The following SENP1 variants were observed in gnomAD, a reference collection of about 807,000 sequenced individuals.
SENP1 encodes SUMO specific peptidase 1.
In SENP1, 21 loss-of-function variants were observed where a neutral mutation model predicts 93.0. The ratio of observed to expected loss-of-function variants is 0.23; its 90% CI spans 0.16 to 0.33. The LOEUF is 0.33. Ranked by LOEUF, SENP1 falls within the 10% of genes least tolerant of loss-of-function variation. The probability of loss-of-function intolerance (pLI) is 1.00; values close to 1 mark genes in which losing one functional copy is unlikely to be tolerated. For missense variants in SENP1, 591 were observed against 758.7 expected (o/e 0.78, Z 2.60); for synonymous variants, 256 against 259.6 (o/e 0.99, Z 0.13).
chr12:48,049,196 G>A, intron 13 of SENP1, 64 bp from the exon 14 acceptor site: 2 of 1,213,318 alleles, frequency 1.6e-6, no homozygotes, highest in Admixed American at 3.6e-5. Flanking sequence ...AATAGTTGCA[G>A]TTGCTGTGTT....
chr12:48,059,210 C>A (rs1268990741), intron 13 of SENP1, among the ~76,000 whole-genome samples: 1 of 152,132 alleles, frequency 6.6e-6, no homozygotes, highest in East Asian at 1.9e-4. Context: ...CCTATGCCCC[C>A]ACCTTTCCTT....
At position 48,058,239 on chromosome 12, in the gene SENP1, C is replaced by T. The variant is rs545495714; in HGVS notation, c.1407+5471G>A. Among the ~76,000 whole-genome samples the T allele has an allele frequency of 2.0e-5, 3 of 152,288 alleles. No homozygotes were observed. In the South Asian group the frequency reaches 6.2e-4, roughly 32 times the overall value. On this transcript the variant is annotated intron_variant, in intron 13 of 17. Coordinates refer to ENST00000549518, the MANE Select transcript of SENP1 (RefSeq NM_001267594.2). The stretch of plus-strand genomic sequence containing the variant: ...GGGATTACAGGCATGAGCCACTGCA[C>T]TCGGCCCATTTTACTTTTTTAAAAG...
intron 11 of SENP1, 103 bp from the exon 12 acceptor site, chr12:48,065,323 C>A: frequency 1.0e-6 from 1 of 990,762 alleles, no homozygotes; most frequent in South Asian, 1.7e-5. Flanking sequence ...AGTCAAAGAG[C>A]GTGCTTAAAT....
intron 13 of SENP1, among the ~76,000 whole-genome samples, chr12:48,059,747 A>C (rs2136918889): frequency 6.6e-6 from 1 of 152,244 alleles, no homozygotes; most frequent in South Asian, 2.1e-4. Flanking sequence ...TATTTGGATC[A>C]GTTTCAGGCT....
Position 48,080,924 on chromosome 12 carries a change from T to C in SENP1, c.552+2667A>G, listed in dbSNP as rs549449593. Among the ~76,000 whole-genome samples the C allele has an allele frequency of 3.3e-5, 5 of 152,308 alleles. No homozygotes were observed. The South Asian group carries it at 6.2e-4, about 19-fold the overall frequency. On this transcript the variant is annotated intron_variant, in intron 6 of 17. Coordinates refer to ENST00000549518, the MANE Select transcript of SENP1 (RefSeq NM_001267594.2). ...GAGGAAGGAGAACTCCACCTTCATG[T>C]TCTCCACTGACCCAACCTGTGGCCT...
At chr12:48,079,629 T>C (rs1343120298) in intron 6 of SENP1, among the ~76,000 whole-genome samples, 2 of 152,168 alleles carry the variant, frequency 1.3e-5, no homozygotes, top group African/African-American at 2.4e-5. Flanking sequence ...TTTTGAAGTA[T>C]AAAAATAATT....
intron 10 of SENP1, among the ~76,000 whole-genome samples, chr12:48,066,533 A>G (rs550027155): frequency 1.5e-3 from 220 of 148,584 alleles, no homozygotes; most frequent in African/African-American, 5.4e-3. Context: ...TTTTTTTGAG[A>G]TGGAGTCTTA....
At chr12:48,080,962 G>A (rs1356192238) in intron 6 of SENP1, among the ~76,000 whole-genome samples, 1 of 152,170 alleles carries the variant, frequency 6.6e-6, no homozygotes, top group Non-Finnish European at 1.5e-5. Context: ...AGGGCTGTTT[G>A]GAAGGGTAAA....
At position 48,070,112 on chromosome 12, in the gene SENP1, G is replaced by A. The variant is rs561312612; in HGVS notation, c.995+1555C>T. On this transcript the variant is annotated intron_variant, in intron 9 of 17. Coordinates refer to ENST00000549518, the MANE Select transcript of SENP1 (RefSeq NM_001267594.2). The stretch of plus-strand genomic sequence containing the variant: ...GTTTCATGCAGAAGTTCACATGTGA[G>A]TTGAGACCTAAAAGATAAAACACTA... Among the ~76,000 whole-genome samples, 45 of 152,340 alleles carry A rather than the reference G, an allele frequency of 3.0e-4. No homozygotes were observed. In the Middle Eastern group the frequency reaches 0.01, roughly 35 times the overall value.
intron 5 of SENP1, among the ~76,000 whole-genome samples, chr12:48,087,830 C>A (rs190100512): frequency 1.3e-4 from 20 of 152,282 alleles, no homozygotes; most frequent in Admixed American, 2.0e-4. Flanking sequence ...CTAAACAGTA[C>A]ACTAAATAAT....
chr12:48,085,680 T>C (rs897828618), intron 5 of SENP1, among the ~76,000 whole-genome samples: 4 of 149,408 alleles, frequency 2.7e-5, no homozygotes, highest in South Asian at 2.1e-4. Context: ...AGTGTCATTG[T>C]TGATGTTAAA....
At chr12:48,085,478 T>G in intron 5 of SENP1, 3 of 604,246 alleles carry the variant, frequency 5.0e-6, no homozygotes, top group Non-Finnish European at 8.4e-6. Context: ...CTCAGGCCTC[T>G]CCCCAGGCTT....
chr12:48,085,923 T>G (rs1944832327), intron 5 of SENP1, among the ~76,000 whole-genome samples: 1 of 152,140 alleles, frequency 6.6e-6, no homozygotes, highest in Admixed American at 6.5e-5. Flanking sequence ...GCATGTTTTT[T>G]TTAACATAAA....
chr12:48,105,061 G>A (rs2137422936), intron 1 of SENP1: 1 of 183,488 alleles, frequency 5.4e-6, no homozygotes, highest in African/African-American at 2.3e-5. Flanking sequence ...TTTTTATGAA[G>A]AATAAAGATT....
At chr12:48,068,151 A>G (rs1487376455) in intron 9 of SENP1, among the ~76,000 whole-genome samples, 1 of 152,206 alleles carries the variant, frequency 6.6e-6, no homozygotes, top group Admixed American at 6.5e-5. Flanking sequence ...CTAGGATTAC[A>G]GGCATGAGCC....
chr12:48,061,533 G>A (rs920831225), intron 13 of SENP1, among the ~76,000 whole-genome samples: 1 of 152,096 alleles, frequency 6.6e-6, no homozygotes, highest in Admixed American at 6.6e-5. Context: ...TCAGCCTCCT[G>A]AACAGCTGGG....
intron 4 of SENP1, among the ~76,000 whole-genome samples, chr12:48,093,476 G>C (rs561955388): frequency 1.3e-5 from 2 of 151,912 alleles, no homozygotes; most frequent in East Asian, 3.9e-4. Flanking sequence ...TAGAGACAGG[G>C]TTTTACCATG....
intron 4 of SENP1, among the ~76,000 whole-genome samples, chr12:48,090,740 G>A (rs1484056401): frequency 6.6e-6 from 1 of 152,070 alleles, no homozygotes; most frequent in Non-Finnish European, 1.5e-5. Flanking sequence ...GGGATCACAG[G>A]TGCATACCAT....
intron 9 of SENP1, among the ~76,000 whole-genome samples, chr12:48,071,458 A>G (rs1304728554): frequency 1.3e-5 from 2 of 152,130 alleles, no homozygotes; most frequent in Non-Finnish European, 2.9e-5. Context: ...TCTACTAAAA[A>G]TACAAAAATT....
Sources: allele counts gnomAD v4.1 joint callset (sites outside exome capture counted in the v4.1 genomes callset), GRCh38; gene constraint gnomAD v4.1.1; transcripts MANE v1.5; gene names NCBI Gene and HGNC (gene_info 2026-07-23, HGNC 2026-07-21).